FHIT: variants seen among roughly 807,000 people sequenced by gnomAD.
FHIT encodes fragile histidine triad diadenosine triphosphatase.
FHIT carries 19 observed loss-of-function variants against 17.9 expected under a neutral mutation model. The ratio of observed to expected loss-of-function variants is 1.06; its 90% CI spans 0.74 to 1.56. FHIT has a LOEUF of 1.56. Ranked by LOEUF, FHIT falls within the 40% of genes most tolerant of loss-of-function variation. The pLI is 0.00. For synonymous variants in FHIT, 81 were observed against 69.7 expected (o/e 1.16, Z -0.81); for missense variants, 248 against 189.2 (o/e 1.31, Z -1.82).
intron 5 of FHIT, among the ~76,000 whole-genome samples, chr3:60,156,776 T>G (rs975521951): frequency 6.6e-6 from 1 of 152,078 alleles, no homozygotes; most frequent in African/African-American, 2.4e-5. Context: ...TAAAGCAAAA[T>G]GTTTGAGGAT....
rs556910586 is a variant in FHIT at position 60,555,237 on chromosome 3, G to A, written c.-17-18258C>T. 2.0e-3 allele frequency among the ~76,000 whole-genome samples: 263 copies of A among 128,586 alleles called. 4 individuals carry two copies. The highest frequency in any genetic ancestry group is 9.1e-3 in the African/African-American group (233 of 25,678). The allele number at this position is 128,586 out of a possible 152,430, so 84.4% of individuals were successfully genotyped here. ...TTCTTCCAGGCCCTCAGAAGATGTC[G>A]GTTAAAGGAAATCATAAAAAGTCAA... On this transcript the variant is annotated intron_variant, in intron 4 of 9. Transcript: ENST00000492590.
chr3:60,942,677 T>A (rs1708469531), intron 3 of FHIT, among the ~76,000 whole-genome samples: 1 of 152,192 alleles, frequency 6.6e-6, no homozygotes, highest in East Asian at 1.9e-4. Context: ...TCTTCTCTAC[T>A]GTTTCTTTGT....
intron 3 of FHIT, among the ~76,000 whole-genome samples, chr3:60,845,745 T>A (rs1553746266): frequency 6.6e-6 from 1 of 152,152 alleles, no homozygotes; most frequent in African/African-American, 2.4e-5. Context: ...CCCATAAATT[T>A]TCAAGAGCTC....
At chr3:61,214,856 T>C (rs2039620244) in intron 1 of FHIT, among the ~76,000 whole-genome samples, 4 of 152,178 alleles carry the variant, frequency 2.6e-5, no homozygotes. Context: ...GTCCAATGTA[T>C]GCAAATCAGT....
intron 8 of FHIT, among the ~76,000 whole-genome samples, chr3:59,894,885 G>T (rs941361235): frequency 1.3e-5 from 2 of 152,182 alleles, no homozygotes; most frequent in African/African-American, 2.4e-5. Context: ...TTCACATATT[G>T]AAAGTTTGGC....
At chr3:60,948,593 A>C (rs929974055) in intron 3 of FHIT, among the ~76,000 whole-genome samples, 2 of 152,236 alleles carry the variant, frequency 1.3e-5, no homozygotes, top group Non-Finnish European at 2.9e-5. Flanking sequence ...AAAACAGAGT[A>C]GGTGAATGGA....
intron 1 of FHIT, among the ~76,000 whole-genome samples, chr3:61,222,773 A>G (rs1207312088): frequency 6.6e-6 from 1 of 152,204 alleles, no homozygotes; most frequent in Non-Finnish European, 1.5e-5. Flanking sequence ...ACATAACAAC[A>G]GACTCAAGGG....
chr3:59,940,661 T>G (rs1165177262), intron 7 of FHIT, among the ~76,000 whole-genome samples: 1 of 152,194 alleles, frequency 6.6e-6, no homozygotes, highest in East Asian at 1.9e-4. Flanking sequence ...CCACCCCAAC[T>G]TTCATTTCCT....
Position 59,751,595 on chromosome 3 carries a change from C to G in FHIT, c.*5+626G>C, listed in dbSNP as rs1157215167. The G allele has an allele frequency of 1.0e-4, 18 of 180,064 alleles. No individual in the cohort carries two copies. In the East Asian group the frequency reaches 1.6e-3, roughly 16 times the overall value. The allele number at this position is 180,064 out of a possible 1,614,324, so 11.2% of individuals were successfully genotyped here. A position where few individuals can be genotyped will look rare whatever the true frequency, so the allele number is the denominator to read the frequency against. On this transcript the variant is annotated intron_variant, in intron 9 of 9. Coordinates refer to ENST00000492590, the MANE Select transcript of FHIT (RefSeq NM_002012.4). ...AAATTGGCTATAGCTATCTTTCTAC[C>G]AGAGTCTTAAACCTATGATCTCTCA...
intron 5 of FHIT, among the ~76,000 whole-genome samples, chr3:60,498,992 G>A (rs144529636): frequency 1.2e-4 from 19 of 152,102 alleles, no homozygotes; most frequent in Non-Finnish European, 2.5e-4. Context: ...TCTTGACATT[G>A]GCTTAAAGGT....
Position 61,121,675 on chromosome 3 carries a change from C to T in FHIT, c.-164+78942G>A, listed in dbSNP as rs577893558. Among the ~76,000 whole-genome samples the T allele has an allele frequency of 5.9e-5, 9 of 152,132 alleles. No homozygotes were observed. In the East Asian group the frequency reaches 1.4e-3, roughly 23 times the overall value. On this transcript the variant is annotated intron_variant, in intron 2 of 9. Transcript: ENST00000492590. Reference sequence around the variant, plus strand: ...AAGACCATTGACACTATGAAGAATCCGCATCAACTAACGGGCAAAATAACC... The same window carrying T: ...AAGACCATTGACACTATGAAGAATCTGCATCAACTAACGGGCAAAATAACC...
At chr3:60,494,198 G>C (rs1404597611) in intron 5 of FHIT, among the ~76,000 whole-genome samples, 3 of 152,102 alleles carry the variant, frequency 2.0e-5, no homozygotes, top group African/African-American at 7.2e-5. Flanking sequence ...GGCCATTACA[G>C]CCATTCTACA....
chr3:60,400,915 C>T (rs148469758), intron 5 of FHIT, among the ~76,000 whole-genome samples: 228 of 151,862 alleles, frequency 1.5e-3, no homozygotes, highest in Middle Eastern at 6.8e-3. Context: ...AATCCAAATT[C>T]TTTGGTTAAA....
At chr3:60,972,965 T>C (rs1198001689) in intron 3 of FHIT, among the ~76,000 whole-genome samples, 2 of 152,214 alleles carry the variant, frequency 1.3e-5, no homozygotes, top group Admixed American at 6.5e-5. Context: ...TTCTTGAACA[T>C]ATTAATCTCT....
intron 3 of FHIT, among the ~76,000 whole-genome samples, chr3:60,855,284 A>G (rs1703334838): frequency 6.6e-6 from 1 of 152,082 alleles, no homozygotes; most frequent in Admixed American, 6.6e-5. Context: ...TAGGCATGTG[A>G]CCTAGATCTA....
intron 4 of FHIT, among the ~76,000 whole-genome samples, chr3:60,598,858 T>C (rs1553667674): frequency 6.6e-6 from 1 of 152,162 alleles, no homozygotes; most frequent in Non-Finnish European, 1.5e-5. Context: ...TGTTTGCTTT[T>C]AGCAAACATA....
chr3:59,790,894 G>T (rs1171792625), intron 8 of FHIT, among the ~76,000 whole-genome samples: 1 of 151,984 alleles, frequency 6.6e-6, no homozygotes, highest in Non-Finnish European at 1.5e-5. Context: ...ATTTTCTGAG[G>T]TCATTCCTAT....
chr3:60,590,024 A>T (rs377188765), intron 4 of FHIT, among the ~76,000 whole-genome samples: 5 of 152,116 alleles, frequency 3.3e-5, no homozygotes, highest in Admixed American at 3.3e-4. Flanking sequence ...AAGAGAGGAC[A>T]CATCTACAAG....
chr3:60,067,187 G>C (rs1462698574), intron 5 of FHIT, among the ~76,000 whole-genome samples: 2 of 152,112 alleles, frequency 1.3e-5, no homozygotes, highest in African/African-American at 2.4e-5. Flanking sequence ...TGCTAAAGTA[G>C]ATAGCAAATA....
Sources: gnomAD v4.1 joint callset for allele counts (sites outside exome capture counted in the v4.1 genomes callset) on GRCh38, gnomAD v4.1.1 for gene constraint, MANE v1.5 for transcripts, NCBI Gene and HGNC (gene_info 2026-07-23, HGNC 2026-07-21) for gene names.